The following DYNC1H1 variants were observed in gnomAD, a reference collection of about 807,000 sequenced individuals.
DYNC1H1 encodes the protein cytoplasmic dynein 1 heavy chain 1.
A neutral mutation model predicts 527.1 loss-of-function variants in DYNC1H1; 51 were observed. That is an observed-to-expected ratio of 0.10 (90% CI 0.08 to 0.12). The LOEUF is 0.12. DYNC1H1 is among the 10% of genes least tolerant of loss of function. DYNC1H1 has a pLI of 1.00. For synonymous variants in DYNC1H1, 2,189 were observed against 2,278.8 expected, an observed-to-expected ratio of 0.96 and a Z score of 1.12; for missense variants, 2,771 against 5,971.8, an observed-to-expected ratio of 0.46 and a Z score of 17.66.
Position 102,012,976 on chromosome 14 carries a change from G to A in DYNC1H1, c.7014+506G>A, listed in dbSNP as rs903718054. On this transcript the variant is annotated intron_variant, in intron 34 of 77. Coordinates refer to ENST00000360184, the MANE Select transcript of DYNC1H1 (RefSeq NM_001376.5). This position sits in a 1 kb window ranked among gnomAD's most constrained non-coding sequence, Gnocchi z 4.9. ...AAGAAAGCAAGAAGACAGGCCGGGC[G>A]CGGTGGCTCACGCCTGTAATCCCAG... 16 of 190,706 alleles carry A rather than the reference G, an allele frequency of 8.4e-5. No individual in the cohort carries two copies. Among genetic ancestry groups the A allele is most frequent in the Non-Finnish European group, 1.2e-4 (11 of 90,482 alleles). 11.8% of individuals were successfully genotyped at this position (190,706 alleles called of 1,614,324 possible).
At chr14:101,972,662 C>T (rs577182937) in intron 1 of DYNC1H1, among the ~76,000 whole-genome samples, 6 of 152,104 alleles carry the variant, frequency 3.9e-5, no homozygotes, top group Admixed American at 6.6e-5. Context: ...ATGCTGTGTC[C>T]GGACTGCGCA....
At chr14:102,035,746 ATG>A (rs1413925241) in intron 56 of DYNC1H1, 1 of 152,400 alleles carries the variant, frequency 6.6e-6, no homozygotes. Context: ...ACACTGACAC[ATG>A]TGTCTGTAAA....
At chr14:101,981,079 GTTTTT>G (rs544076504) in intron 5 of DYNC1H1, among the ~76,000 whole-genome samples, 27 of 151,976 alleles carry the variant, frequency 1.8e-4, no homozygotes, top group Non-Finnish European at 2.8e-4. Flanking sequence ...CAGTGATGTT[GTTTTT>G]TGTTTTGTTT....
At chr14:102,047,641 G>GTGTGTGTGTGTATATATATATATA in intron 72 of DYNC1H1, 176 bp from the exon 73 acceptor site, 116 of 316,708 alleles carry the variant, frequency 3.7e-4, no homozygotes, top group African/African-American at 1.9e-3. Context: ...GTGTGTGTGT[G>GTGTGTGTGTGTATATATATATATA]TATATATATA....
rs2048471899 is a variant in DYNC1H1, at chr14:102,028,213, A to C, written c.9468+72A>C. On this transcript the variant is annotated intron_variant, in intron 48 of 77. Transcript: ENST00000360184. ...CATGCTAATATAAAACTAAATTGCTATAAAAATAGACCTTAAGGCCAGGTG... is the reference window on the plus strand; with the variant it reads ...CATGCTAATATAAAACTAAATTGCTCTAAAAATAGACCTTAAGGCCAGGTG... 4 of 1,569,632 alleles carry C rather than the reference A, an allele frequency of 2.5e-6. No homozygotes were observed. The South Asian group carries it at 4.5e-5, about 18-fold the overall frequency.
At chr14:101,984,932 C>CAAAAAA (rs773102943) in intron 7 of DYNC1H1, among the ~76,000 whole-genome samples, 3 of 40,152 alleles carry the variant, frequency 7.5e-5, no homozygotes, top group Non-Finnish European at 1.0e-4. Context: ...GGCTCCGTCT[C>CAAAAAA]AAAAAAAAAA....
chr14:102,039,070 G>A lies in DYNC1H1; in HGVS notation c.11276G>A (p.Arg3759His). The stretch of plus-strand genomic sequence containing the variant: ...CAAGCTCTGAACGAGGTGAAAGGGC[G>A]CATTTTGGATGACGACACGATCATA... ...LLQALNEVKGRILDDDTIITT... is the reference protein window; with the variant it reads ...LLQALNEVKGHILDDDTIITT... The change falls in exon 60 of 78, where the codon CGC (arginine) becomes CAC (histidine). Residue 3759 changes from arginine to histidine, a missense_variant. Physicochemically the swap from Arg to His is conservative, Grantham distance 29 (BLOSUM62 0). Transcript: ENST00000360184. This position sits in a 1 kb window ranked among gnomAD's most constrained non-coding sequence, Gnocchi z 7.0. 6.2e-7 allele frequency: 1 copy of A among 1,614,196 alleles called. No homozygotes were observed. The highest frequency in any genetic ancestry group is 8.5e-7 in the Non-Finnish European group (1 of 1,180,036).
intron 7 of DYNC1H1, among the ~76,000 whole-genome samples, chr14:101,984,583 C>T (rs190887747): frequency 1.1e-4 from 17 of 147,868 alleles, no homozygotes; most frequent in African/African-American, 3.7e-4. Flanking sequence ...TCCGAGTAGC[C>T]GGAATTACAG....
Position 101,994,298 on chromosome 14 carries a change from G to A in DYNC1H1, c.3130G>A (p.Val1044Ile). The A allele has an allele frequency of 6.2e-7, 1 of 1,614,162 alleles. No homozygotes were observed. Among genetic ancestry groups the A allele is most frequent in the Non-Finnish European group, 8.5e-7 (1 of 1,180,028 alleles). The change falls in exon 12 of 78, where the codon GTA becomes ATA. Residue 1044 changes from valine to isoleucine, a missense_variant. By Grantham distance (29) the Val-to-Ile change is conservative. Coordinates refer to ENST00000360184, the MANE Select transcript of DYNC1H1 (RefSeq NM_001376.5). The part of the protein sequence containing the change: ...EESYSAVMGI[V>I]SEVEQYVKVW... ...GTCGTATTCTGCTGTCATGGGCATTGTATCTGAAGTTGAACAGTATGTCAA... is the reference window on the plus strand; with the variant it reads ...GTCGTATTCTGCTGTCATGGGCATTATATCTGAAGTTGAACAGTATGTCAA...
intron 10 of DYNC1H1, among the ~76,000 whole-genome samples, chr14:101,990,449 G>A (rs1321492885): frequency 1.3e-5 from 2 of 152,208 alleles, no homozygotes; most frequent in East Asian, 3.8e-4. Flanking sequence ...TCTGACTTAT[G>A]TTCTTTTGGG....
At chr14:102,028,520 A>T in intron 48 of DYNC1H1, 2 of 338,812 alleles carry the variant, frequency 5.9e-6, no homozygotes, top group South Asian at 4.9e-5. Flanking sequence ...GACTCAAAAC[A>T]ACATAAATAG....
intron 51 of DYNC1H1, 126 bp from the exon 52 acceptor site, chr14:102,032,146 T>G (rs902527795): frequency 1.7e-6 from 2 of 1,163,014 alleles, no homozygotes; most frequent in African/African-American, 3.0e-5. Flanking sequence ...TCTTAGCTCT[T>G]CTAAGCAGCT....
At chr14:102,032,602 A>AAAGTTCTGGGATTG in intron 52 of DYNC1H1, 135 bp downstream of exon 52, 1 of 1,204,176 alleles carries the variant, frequency 8.3e-7, no homozygotes, top group Non-Finnish European at 1.2e-6. Flanking sequence ...CTCCAATCCC[A>AAAGTTCTGGGATTG]GAACTTTGGG....
intron 69 of DYNC1H1, chr14:102,043,413 G>T (rs1018596359): frequency 1.3e-5 from 4 of 301,480 alleles, no homozygotes; most frequent in African/African-American, 2.2e-5. Context: ...GGTCCCAGAG[G>T]AGCAGAGATG....
intron 42 of DYNC1H1, among the ~76,000 whole-genome samples, chr14:102,022,531 TGTAA>T (rs779727528): frequency 1.2e-4 from 18 of 149,874 alleles, no homozygotes; most frequent in African/African-American, 2.9e-4. Flanking sequence ...AGTGAGACTC[TGTAA>T]GTAAGTAAGT....
rs761539999 is a variant in DYNC1H1, at chr14:102,009,827, A to G, written c.5978-16A>G. On this transcript the variant is annotated splice_polypyrimidine_tract_variant and intron_variant, in intron 29 of 77. Coordinates refer to ENST00000360184, the MANE Select transcript of DYNC1H1 (RefSeq NM_001376.5). ...TTTTAACATTTCTAGTCTTAACGCTATCATCTCATTCTCAGCCTCTGCCCC... is the reference window on the plus strand; with the variant it reads ...TTTTAACATTTCTAGTCTTAACGCTGTCATCTCATTCTCAGCCTCTGCCCC... The G allele has an allele frequency of 9.3e-6, 15 of 1,613,628 alleles. No homozygotes were observed. Among genetic ancestry groups the G allele is most frequent in the African/African-American group, 1.3e-5 (1 of 74,790 alleles).
At position 101,997,513 on chromosome 14, in the gene DYNC1H1, G is replaced by GT. The variant is rs1162792966; in HGVS notation, c.3804+241dup. 6.6e-6 allele frequency among the ~76,000 whole-genome samples: 1 copy of GT among 152,174 alleles called. No homozygotes were observed. The highest frequency in any genetic ancestry group is 1.9e-4 in the East Asian group (1 of 5,202). On this transcript the variant is annotated intron_variant, in intron 16 of 77. Transcript: ENST00000360184. The surrounding 1 kb of genome is among the most constrained non-coding windows in gnomAD (Gnocchi z 4.8). ...TGGTTTTAAGGATTAAAGTTTTTCTGTTCTTAGATCATTCTCTTACGTAGA... is the reference window on the plus strand; with the variant it reads ...TGGTTTTAAGGATTAAAGTTTTTCTGTTTCTTAGATCATTCTCTTACGTAGA...
chr14:102,019,640 C>T (rs1595619231), intron 41 of DYNC1H1, among the ~76,000 whole-genome samples: 3 of 152,170 alleles, frequency 2.0e-5, no homozygotes, highest in South Asian at 4.1e-4. Flanking sequence ...CTCACTCTGT[C>T]GCCAAGGCTG....
At position 102,039,412 on chromosome 14, in the gene DYNC1H1, A is replaced by G. The variant is rs759668340; in HGVS notation, c.11461A>G (p.Ile3821Val). 5 of 1,614,216 alleles carry G rather than the reference A, an allele frequency of 3.1e-6. No individual in the cohort carries two copies. Among genetic ancestry groups the G allele is most frequent in the Non-Finnish European group, 4.2e-6 (5 of 1,180,038 alleles). ...IYFTMESLKQIHFLYQYSLQF... is the reference protein window; with the variant it reads ...IYFTMESLKQVHFLYQYSLQF... ...ACCGCTGCCCACTGCTTCCTTTCAG[A>G]TACACTTCTTGTACCAGTACTCCCT... Residue 3821 changes from isoleucine (I) to valine (V), a missense_variant and splice_region_variant, in exon 61 of 78, where the codon ATA becomes GTA. Physicochemically the swap from Ile to Val is conservative, Grantham distance 29. Transcript: ENST00000360184. The surrounding 1 kb of genome is among the most constrained non-coding windows in gnomAD (Gnocchi z 7.0).
Sources: allele counts gnomAD v4.1 joint callset (sites outside exome capture counted in the v4.1 genomes callset), GRCh38; gene constraint gnomAD v4.1.1; non-coding constraint Gnocchi (gnomAD v3.1); transcripts MANE v1.5; gene names NCBI Gene and HGNC (gene_info 2026-07-23, HGNC 2026-07-21).